The following USP32 variants were observed in gnomAD, a reference collection of about 807,000 sequenced individuals.
The protein encoded by USP32 is ubiquitin specific peptidase 32.
In USP32, 59 loss-of-function variants were observed where a neutral mutation model predicts 204.8. That is an observed-to-expected ratio of 0.29 (90% CI 0.23 to 0.36). USP32 has a LOEUF of 0.36. Among genes scored for constraint, USP32 ranks in the 10% least tolerant of loss-of-function variants. The pLI, the probability that USP32 is intolerant of heterozygous loss-of-function variation, is 1.00. For missense variants in USP32, 1,160 were observed against 1,946.4 expected, an observed-to-expected ratio of 0.60 and a Z score of 7.60; for synonymous variants, 517 against 678.4, an observed-to-expected ratio of 0.76 and a Z score of 3.70.
At chr17:60,396,865 C>T (rs994680836), upstream of USP32, among the ~76,000 whole-genome samples, 111 of 152,220 alleles carry the variant, frequency 7.3e-4, 2 homozygotes, top group African/African-American at 2.5e-3. Context: ...ACTCCTGTCT[C>T]GCCCTTCTCT....
At chr17:60,282,765 T>A (rs1225990891) in intron 5 of USP32, among the ~76,000 whole-genome samples, 1 of 152,252 alleles carries the variant, frequency 6.6e-6, no homozygotes, top group African/African-American at 2.4e-5. Flanking sequence ...AGCCTTACAG[T>A]CCTAAGAGGA....
At chr17:60,256,629 ACAC>A in intron 9 of USP32, 2 of 977,122 alleles carry the variant, frequency 2.0e-6, no homozygotes, top group Non-Finnish European at 2.4e-6. Context: ...CCAAAGACAT[ACAC>A]GTTAGGTTAA....
chr17:60,413,150 T>C (rs1441181915), intron 1 of USP32, among the ~76,000 whole-genome samples: 1 of 152,160 alleles, frequency 6.6e-6, no homozygotes, highest in Non-Finnish European at 1.5e-5. Flanking sequence ...GAAAACTATT[T>C]TGGGAGAAGC....
At chr17:60,355,491 G>T (rs1304800179) in intron 1 of USP32, among the ~76,000 whole-genome samples, 1 of 152,082 alleles carries the variant, frequency 6.6e-6, no homozygotes, top group Non-Finnish European at 1.5e-5. Context: ...ATCAAAAACT[G>T]TCAAAATCCA....
Position 60,344,128 on chromosome 17 carries a change from A to ATTTT in USP32, c.186+1349_186+1352dup, listed in dbSNP as rs1223926673. Among the ~76,000 whole-genome samples the ATTTT allele has an allele frequency of 4.0e-4, 52 of 131,164 alleles. 1 individual carries two copies. Among genetic ancestry groups the ATTTT allele is most frequent in the African/African-American group, 1.5e-3 (52 of 33,684 alleles). 86.0% of individuals were successfully genotyped at this position (131,164 alleles called of 152,430 possible). ...ATAATATACCAAGCCTAAAATTCCT[A>ATTTT]TTTTTTTTTTTTTTTTTTGAGTCAG... On this transcript the variant is annotated intron_variant, in intron 2 of 33. Coordinates refer to ENST00000300896, the MANE Select transcript of USP32 (RefSeq NM_032582.4).
intron 5 of USP32, among the ~76,000 whole-genome samples, chr17:60,283,469 T>C (rs1205603305): frequency 6.6e-6 from 1 of 152,144 alleles, no homozygotes; most frequent in African/African-American, 2.4e-5. Flanking sequence ...TTTCGTATCA[T>C]TGAGAGGAAG....
intron 3 of USP32, among the ~76,000 whole-genome samples, chr17:60,300,300 G>A (rs1393894129): frequency 6.6e-6 from 1 of 152,158 alleles, no homozygotes; most frequent in Admixed American, 6.5e-5. Context: ...AGAAAAGAAT[G>A]AGGGGACAGA....
intron 12 of USP32, among the ~76,000 whole-genome samples, chr17:60,226,498 A>AT (rs368855174): frequency 9.9e-5 from 15 of 152,104 alleles, no homozygotes; most frequent in African/African-American, 1.9e-4. Context: ...GTTGGCAGCC[A>AT]TTTTTTTAAC....
chr17:60,360,637 T>C lies in USP32; in HGVS notation c.59-15029A>G, dbSNP rs147171919. The stretch of plus-strand genomic sequence containing the variant: ...TTGCAGTGAGCTGAGATTGCACCAC[T>C]GCACTCCAGCCTGGGCAACAGAGTA... On this transcript the variant is annotated intron_variant, in intron 1 of 33. Transcript: ENST00000300896. Among the ~76,000 whole-genome samples, 103 of 152,058 alleles carry C rather than the reference T, an allele frequency of 6.8e-4. 1 individual carries two copies. Among genetic ancestry groups the C allele is most frequent in the African/African-American group, 2.4e-3 (98 of 41,502 alleles).
rs2088882697 is a variant in USP32, at chr17:60,349,599, ATATATATATATATATATATAT to A, written c.59-4012_59-3992del. On this transcript the variant is annotated intron_variant, in intron 1 of 33. Coordinates refer to ENST00000300896, the MANE Select transcript of USP32 (RefSeq NM_032582.4). ...AAAAGAAAAAAAAAAAAAAAAAAAT[ATATATATATATATATATATAT>A]ATATTATATATATATATATATATTA... is the stretch of plus-strand genomic sequence containing the variant. 3.0e-4 allele frequency among the ~76,000 whole-genome samples: 13 copies of A among 42,804 alleles called. No individual in the cohort carries two copies. In the East Asian group the frequency reaches 6.8e-3, roughly 22 times the overall value. 28.1% of individuals were successfully genotyped at this position (42,804 alleles called of 152,430 possible).
chr17:60,326,248 A>G (rs1213204955), intron 2 of USP32, among the ~76,000 whole-genome samples: 1 of 152,008 alleles, frequency 6.6e-6, no homozygotes. Flanking sequence ...ATTGCATTTC[A>G]TCACACCCTC....
intron 16 of USP32, among the ~76,000 whole-genome samples, chr17:60,218,662 G>A (rs1345993607): frequency 1.3e-5 from 2 of 151,946 alleles, no homozygotes; most frequent in East Asian, 1.9e-4. Flanking sequence ...GGAGTGCAAC[G>A]GTGTGATCTT....
intron 11 of USP32, chr17:60,245,299 C>T (rs1337670057): frequency 6.8e-6 from 2 of 295,656 alleles, no homozygotes; most frequent in Middle Eastern, 1.2e-3. Flanking sequence ...TATTCATTTT[C>T]TTCACAGGCT....
chr17:60,251,927 T>C (rs1360625890), intron 11 of USP32, among the ~76,000 whole-genome samples: 1 of 152,008 alleles, frequency 6.6e-6, no homozygotes, highest in African/African-American at 2.4e-5. Flanking sequence ...GAGCAGGGAA[T>C]AAAGTAGGTA....
At chr17:60,321,888 C>A (rs1473911029) in intron 2 of USP32, among the ~76,000 whole-genome samples, 1 of 149,760 alleles carries the variant, frequency 6.7e-6, no homozygotes, top group Non-Finnish European at 1.5e-5. Context: ...TTTTTTTTAG[C>A]CCTAGTGATA....
chr17:60,177,767 G>A lies in USP32; in HGVS notation c.*1488C>T, dbSNP rs2145331467. ...TTAAGATAACCTTTCCAAATGCTCT[G>A]AGAACTAGATATTAATAGTTACTGG... On this transcript the variant is annotated 3_prime_UTR_variant, in exon 34 of 34. Transcript: ENST00000300896. Among the ~76,000 whole-genome samples, 1 of 152,264 alleles carries A rather than the reference G, an allele frequency of 6.6e-6. No homozygotes were observed. The highest frequency in any genetic ancestry group is 1.9e-4 in the East Asian group (1 of 5,188).
rs147413172 is a variant in USP32 at position 60,208,181 on chromosome 17, G to T, written c.2803C>A (p.Arg935=). The T allele has an allele frequency of 4.7e-6, 7 of 1,485,274 alleles. No individual in the cohort carries two copies. Among genetic ancestry groups the T allele is most frequent in the Non-Finnish European group, 6.4e-6 (7 of 1,096,876 alleles). 92.0% of individuals were successfully genotyped at this position (1,485,274 alleles called of 1,614,324 possible). Reference sequence around the variant, plus strand: ...TCCATATTCAGTCTTAGTCCATACCGTACAGGGGTAGTACCATCTAACTTA... The same window carrying T: ...TCCATATTCAGTCTTAGTCCATACCTTACAGGGGTAGTACCATCTAACTTA... The part of the protein sequence containing the change: ...VIKLDGTTPV[R]YGLRLNMDEK... The change falls in exon 24 of 34, where the codon CGG becomes AGG. Residue 935 remains arginine, a synonymous_variant. Coordinates refer to ENST00000300896, the MANE Select transcript of USP32 (RefSeq NM_032582.4).
Position 60,409,119 on chromosome 17 carries a change from G to A in USP32, c.106+13127C>T, listed in dbSNP as rs536881496. The stretch of plus-strand genomic sequence containing the variant: ...TCCCAGCACTTTGGGAGGCCGAGGT[G>A]CACGGATCACCTGAGGCCAGGACTT... On this transcript the variant is annotated intron_variant, in intron 1 of 3. Transcript: ENST00000588898. Among the ~76,000 whole-genome samples the A allele has an allele frequency of 6.6e-5, 10 of 152,260 alleles. No homozygotes were observed. The East Asian group carries it at 1.9e-3, about 29-fold the overall frequency.
At chr17:60,341,655 A>G (rs112559958) in intron 2 of USP32, among the ~76,000 whole-genome samples, 1 of 152,046 alleles carries the variant, frequency 6.6e-6, no homozygotes, top group East Asian at 1.9e-4. Flanking sequence ...TTGATTTGAT[A>G]TTCGATCACT....
Sources: gnomAD v4.1 joint callset for allele counts (sites outside exome capture counted in the v4.1 genomes callset) on GRCh38, gnomAD v4.1.1 for gene constraint, MANE v1.5 for transcripts, NCBI Gene and HGNC (gene_info 2026-07-23, HGNC 2026-07-21) for gene names.